Variants in PLK2 observed in about 807,000 individuals in gnomAD.
The protein encoded by PLK2 is serine/threonine-protein kinase PLK2.
In PLK2, 25 loss-of-function variants were observed where a neutral mutation model predicts 78.1. The ratio of observed to expected loss-of-function variants is 0.32; its 90% confidence interval spans 0.23 to 0.45. PLK2 has a LOEUF of 0.45. Among genes scored for constraint, PLK2 ranks in the 20% least tolerant of loss-of-function variants. The probability of loss-of-function intolerance (pLI) is 1.00; values close to 1 mark genes in which losing one functional copy is unlikely to be tolerated. For missense variants in PLK2, 566 were observed against 840.2 expected (o/e 0.67, Z 4.04); for synonymous variants, 332 against 298.2 (o/e 1.11, Z -1.17).
At chr5:58,458,668 T>C (rs1743673640) in intron 3 of PLK2, 57 bp downstream of exon 3, 1 of 1,228,420 alleles carries the variant, frequency 8.1e-7, no homozygotes. Context: ...AAATACTCTT[T>C]GAATACCATG....
rs1743548631 is a variant in PLK2 at position 58,454,591 on chromosome 5, A to C, written c.2050T>G (p.Cys684Gly). 6.2e-7 allele frequency: 1 copy of C among 1,609,454 alleles called. No individual in the cohort carries two copies. Among genetic ancestry groups the C allele is most frequent in the Non-Finnish European group, 8.5e-7 (1 of 1,177,368 alleles). Residue 684 changes from cysteine (C) to glycine (G), a missense_variant, in exon 14 of 14, where the codon TGT (cysteine) becomes GGT (glycine). Coordinates refer to ENST00000274289, the MANE Select transcript of PLK2 (RefSeq NM_006622.4). The stretch of plus-strand genomic sequence containing the variant: ...TCCATTCGAAAAGTCTTTCAGTTAC[A>C]TCTTTGTAAGAGCATGTTCAGGGCA... ...EYALNMLLQR[C>G]N is the part of the protein sequence containing the mutation.
chr5:58,455,183 A>G (rs1743562527), intron 12 of PLK2, 102 bp downstream of exon 12: 3 of 1,358,202 alleles, frequency 2.2e-6, no homozygotes, highest in African/African-American at 1.4e-5. Flanking sequence ...CACCAACGGT[A>G]GGTCAGGAGA....
Position 58,455,722 on chromosome 5 carries a change from C to T in PLK2, c.1442G>A (p.Gly481Glu). 1 of 1,614,092 alleles carries T rather than the reference C, an allele frequency of 6.2e-7. No homozygotes were observed. Among genetic ancestry groups the T allele is most frequent in the South Asian group, 1.1e-5 (1 of 91,076 alleles). ...AGCTTCCGGCATGTTTTCCAGACAT[C>T]CCCGAAGAACCCTTGCCACTGTGTC... is the stretch of plus-strand genomic sequence containing the variant. ...VADTVARVLR[G>E]CLENMPEADC... is the part of the protein sequence containing the mutation. Residue 481 changes from glycine (G) to glutamate (E), a missense_variant, in exon 11 of 14, where the codon GGA becomes GAA. By Grantham distance (98) the Gly-to-Glu change is moderately conservative (BLOSUM62 -2). Coordinates refer to ENST00000274289, the MANE Select transcript of PLK2 (RefSeq NM_006622.4).
At position 58,455,523 on chromosome 5, in the gene PLK2, T is replaced by C. The variant is rs182178257; in HGVS notation, c.1625+16A>G. On this transcript the variant is annotated intron_variant, in intron 11 of 13. Coordinates refer to ENST00000274289, the MANE Select transcript of PLK2 (RefSeq NM_006622.4). Reference sequence around the variant, plus strand: ...GACTAGAGAACTGACAGGATTTCATTAATTGATACACTTACTTTTTGTCTG... The same window carrying C: ...GACTAGAGAACTGACAGGATTTCATCAATTGATACACTTACTTTTTGTCTG... 2 of 1,613,658 alleles carry C rather than the reference T, an allele frequency of 1.2e-6. No individual in the cohort carries two copies. Among genetic ancestry groups the C allele is most frequent in the African/African-American group, 2.7e-5 (2 of 74,922 alleles).
chr5:58,455,184 G>A (rs1743562587), intron 12 of PLK2, 101 bp downstream of exon 12: 2 of 1,382,792 alleles, frequency 1.4e-6, no homozygotes, highest in Non-Finnish European at 2.0e-6. Context: ...ACCAACGGTA[G>A]GTCAGGAGAA....
In PLK2 at chr5:58,456,966, C is replaced by G. The variant is rs759176663; in HGVS notation, c.1135G>C (p.Ala379Pro). The change falls in exon 8 of 14, where the codon GCA (alanine) becomes CCA (proline). Residue 379 changes from alanine (A) to proline (P), a missense_variant. This residue lies in a region of PLK2 where 129 missense variants were observed against 156.0 expected (regional missense o/e 0.83). Coordinates refer to ENST00000274289, the MANE Select transcript of PLK2 (RefSeq NM_006622.4). ...AALFGGKKDK[A>P]RYIDTHNRVS... ...TTACTATGTGTGTCAATATATCTTGCTTTGTCTTTTTTGCCACCAAAAAGA... is the reference window on the plus strand; with the variant it reads ...TTACTATGTGTGTCAATATATCTTGGTTTGTCTTTTTTGCCACCAAAAAGA... The G allele has an allele frequency of 3.1e-6, 5 of 1,610,044 alleles. No homozygotes were observed. Among genetic ancestry groups the G allele is most frequent in the Non-Finnish European group, 4.2e-6 (5 of 1,177,560 alleles).
rs1394182136 is a variant in PLK2, at chr5:58,456,087, A to T, written c.1323T>A (p.Ile441=). Reference sequence around the variant, plus strand: ...TGACTATCATCCGAATAGCATCCCCAATCTGCTGCTTGTTTTCTACTGCGG... The same window carrying T: ...TGACTATCATCCGAATAGCATCCCCTATCTGCTGCTTGTTTTCTACTGCGG... ...GTPAVENKQQ[I]GDAIRMIVRG... Residue 441 remains isoleucine (I), a synonymous_variant, in exon 10 of 14, where the codon ATT becomes ATA. Transcript: ENST00000274289. 1.9e-6 allele frequency: 3 copies of T among 1,613,944 alleles called. No homozygotes were observed.
At position 58,456,629 on chromosome 5, in the gene PLK2, T is replaced by C. The variant is rs1743612478; in HGVS notation, c.1157-40A>G. The C allele has an allele frequency of 3.2e-6, 4 of 1,252,666 alleles. No homozygotes were observed. In the South Asian group the frequency reaches 5.0e-5, roughly 16 times the overall value. 77.6% of individuals were successfully genotyped at this position (1,252,666 alleles called of 1,614,324 possible). A position where few individuals can be genotyped will look rare whatever the true frequency, so the allele number is the denominator to read the frequency against. On this transcript the variant is annotated intron_variant, in intron 8 of 13. Coordinates refer to ENST00000274289, the MANE Select transcript of PLK2 (RefSeq NM_006622.4). ...ACAGAATTACAAACATTAGTCTATC[T>C]TAACAAGGTAGGAACAGGGTTAGTC... is the stretch of plus-strand genomic sequence containing the variant.
intron 2 of PLK2, 70 bp downstream of exon 2, chr5:58,458,915 G>T: frequency 1.5e-6 from 2 of 1,297,250 alleles, no homozygotes; most frequent in Non-Finnish European, 2.2e-6. Flanking sequence ...ACATGCAGAA[G>T]ACATTTTCCT....
At chr5:58,459,184 AGC>A in intron 1 of PLK2, 92 bp from the exon 2 acceptor site, 4 of 741,412 alleles carry the variant, frequency 5.4e-6, no homozygotes, top group Admixed American at 2.4e-5. Context: ...AAGAAAGAAA[AGC>A]AAAAAAAAAA....
In PLK2 at chr5:58,459,840, C is replaced by T. The variant is rs763569716; in HGVS notation, c.120G>A (p.Glu40=). 1.9e-5 allele frequency: 30 copies of T among 1,610,470 alleles called. No individual in the cohort carries two copies. In the Admixed American group the frequency reaches 3.3e-4, roughly 18 times the overall value. The stretch of plus-strand genomic sequence containing the variant: ...CCTGGGACTGAGGTGGCTGCGATTC[C>T]TCGGGGGGCTGCGGCGGCCGCTTCT... The part of the protein sequence containing the change: ...SKKKRPPQPP[E]ESQPPQSQAQ... The change falls in exon 1 of 14, where the codon GAG becomes GAA. Residue 40 remains glutamate, a synonymous_variant. Transcript: ENST00000274289.
At chr5:58,459,447 C>T (rs1743696383) in intron 1 of PLK2, 4 of 567,398 alleles carry the variant, frequency 7.0e-6, no homozygotes, top group Non-Finnish European at 1.2e-5. Context: ...CGCTTCCAGA[C>T]TCAAGATGCA....
chr5:58,455,095 A>C (rs751981375), intron 12 of PLK2, 74 bp from the exon 13 acceptor site: 40 of 1,144,478 alleles, frequency 3.5e-5, no homozygotes, highest in Non-Finnish European at 5.1e-5. Context: ...ATTCTAAGAA[A>C]ATCCTCTCAA....
In PLK2 at chr5:58,457,352, T is replaced by C. The variant is rs760586473; in HGVS notation, c.837A>G (p.Pro279=). ...TTTCTTTGAGATTTGTAGTTTCAAATGGGGGCCTCCCTAGTAACATTGTAT... is the reference window on the plus strand; with the variant it reads ...TTTCTTTGAGATTTGTAGTTTCAAACGGGGGCCTCCCTAGTAACATTGTAT... The part of the protein sequence containing the change: ...VMYTMLLGRP[P]FETTNLKETY... The change falls in exon 7 of 14, where the codon CCA becomes CCG. Residue 279 remains proline, a synonymous_variant. Transcript: ENST00000274289. 14 of 1,613,292 alleles carry C rather than the reference T, an allele frequency of 8.7e-6. No homozygotes were observed. The highest frequency in any genetic ancestry group is 1.6e-4 in the Middle Eastern group (1 of 6,062).
chr5:58,456,633 C>A, intron 8 of PLK2, 44 bp from the exon 9 acceptor site: 1 of 1,208,166 alleles, frequency 8.3e-7, no homozygotes, highest in Non-Finnish European at 1.2e-6. Flanking sequence ...TCTATCTTAA[C>A]AAGGTAGGAA....
In PLK2 at chr5:58,457,074, G is replaced by A. The variant is rs1193593768; in HGVS notation, c.1027C>T (p.Leu343=). The A allele has an allele frequency of 6.2e-7, 1 of 1,613,668 alleles. No homozygotes were observed. Among genetic ancestry groups the A allele is most frequent in the Non-Finnish European group, 8.5e-7 (1 of 1,179,840 alleles). ...FFLQGFTPDR[L]SSSCCHTVPD... Reference sequence around the variant, plus strand: ...ACTGTATGACAACAGCTAGAAGACAGTCTGTCCGGAGTGAAGCCCTGTGGA... The same window carrying A: ...ACTGTATGACAACAGCTAGAAGACAATCTGTCCGGAGTGAAGCCCTGTGGA... The change falls in exon 8 of 14, where the codon CTG becomes TTG. Residue 343 remains leucine, a synonymous_variant. Transcript: ENST00000274289.
chr5:58,456,815 A>G, intron 8 of PLK2, 130 bp downstream of exon 8: 2 of 666,292 alleles, frequency 3.0e-6, no homozygotes, highest in Non-Finnish European at 5.0e-6. Flanking sequence ...TTATTATGCT[A>G]TAAATATCAA....
Position 58,459,906 on chromosome 5 carries a change from G to A in PLK2, c.54C>T (p.Cys18=), listed in dbSNP as rs139235564. 46 of 1,611,942 alleles carry A rather than the reference G, an allele frequency of 2.9e-5. No individual in the cohort carries two copies. Among genetic ancestry groups the A allele is most frequent in the Non-Finnish European group, 3.6e-5 (43 of 1,179,642 alleles). The change falls in exon 1 of 14, where the codon TGC becomes TGT. Residue 18 remains cysteine (C), a synonymous_variant. Coordinates refer to ENST00000274289, the MANE Select transcript of PLK2 (RefSeq NM_006622.4). ...CGCAACCCTTGCCCAGCGCCTGCTC[G>A]CACATTTTGGTGCTGGCGGCTGGCT... is the stretch of plus-strand genomic sequence containing the variant. ...TYQPAASTKM[C]EQALGKGCGA...
rs1743678286 is a variant in PLK2, at chr5:58,458,829, T to C, written c.391A>G (p.Ile131Val). ...PHQREKIDKE[I>V]ELHRILHHKH... ...TGATGAAGAATTCTGTGAAGCTCTA[T>C]TTCTTTGTCAATCTAAATGAAAAAG... is the stretch of plus-strand genomic sequence containing the variant. Residue 131 changes from isoleucine (I) to valine (V), a missense_variant, in exon 3 of 14, where the codon ATA becomes GTA. Ile to Val is a conservative substitution (Grantham distance 29, BLOSUM62 3). Coordinates refer to ENST00000274289, the MANE Select transcript of PLK2 (RefSeq NM_006622.4). 6.3e-7 allele frequency: 1 copy of C among 1,594,162 alleles called. No individual in the cohort carries two copies. Among genetic ancestry groups the C allele is most frequent in the Non-Finnish European group, 8.6e-7 (1 of 1,162,276 alleles).
Sources: gnomAD v4.1 joint callset for allele counts on GRCh38, gnomAD v4.1.1 for gene constraint, gnomAD v4.1.1 regional missense constraint, MANE v1.5 for transcripts, NCBI Gene and HGNC (gene_info 2026-07-23, HGNC 2026-07-21) for gene names.